The following TVP23C variants were observed in gnomAD, a reference collection of about 807,000 sequenced individuals.
TVP23C encodes trans-golgi network vesicle protein 23 homolog C, also known as Golgi apparatus membrane protein TVP23 homolog C.
TVP23C carries 19 observed loss-of-function variants against 28.7 expected under a neutral mutation model. The observed-to-expected ratio is 0.66, with a 90% CI of 0.46 to 0.97. The LOEUF (loss-of-function observed/expected upper bound fraction) is 0.97, where lower values mean the gene tolerates loss of function less well. Ranked by LOEUF, TVP23C falls within the 50% of genes least tolerant of loss-of-function variation. The pLI is 0.00. For synonymous variants in TVP23C, 68 were observed against 81.7 expected (o/e 0.83, Z 0.90); for missense variants, 186 against 241.3 (o/e 0.77, Z 1.52).
exon 6 of TVP23C, chr17:15,502,809 C>CCT (rs57432478): frequency 0.19 from 263,699 of 1,406,014 alleles, 5,606 homozygotes; most frequent in Non-Finnish European, 0.2. Flanking sequence ...TCCTCTCTCT[C>CCT]CTCTCTCTCT....
Position 15,537,730 on chromosome 17 carries a change from T to C in TVP23C, c.*2682A>G. ...GAAAACAATCTACAGAAATAATATG[T>C]AAACATATAGAGCTTTGAGACAGAC... On this transcript the variant is annotated 3_prime_UTR_variant, in exon 6 of 6. Transcript: ENST00000518321. 1.0e-6 allele frequency: 1 copy of C among 998,342 alleles called. No homozygotes were observed. Among genetic ancestry groups the C allele is most frequent in the Non-Finnish European group, 1.2e-6 (1 of 838,470 alleles). 61.8% of individuals were successfully genotyped at this position (998,342 alleles called of 1,614,324 possible). A position where few individuals can be genotyped will look rare whatever the true frequency, so the allele number is the denominator to read the frequency against.
intron 5 of TVP23C, among the ~76,000 whole-genome samples, chr17:15,526,345 C>A (rs1221246247): frequency 6.6e-6 from 1 of 152,144 alleles, no homozygotes; most frequent in African/African-American, 2.4e-5. Context: ...CCTGGCTTCA[C>A]CTCTCTCTAG....
chr17:15,557,166 C>T (rs1238990026), intron 1 of TVP23C, among the ~76,000 whole-genome samples: 1 of 149,584 alleles, frequency 6.7e-6, no homozygotes, highest in African/African-American at 2.4e-5. Flanking sequence ...TCTCTGAAAT[C>T]CCCATGTTCC....
At chr17:15,526,960 T>C (rs1982755386) in intron 5 of TVP23C, among the ~76,000 whole-genome samples, 1 of 152,164 alleles carries the variant, frequency 6.6e-6, no homozygotes, top group African/African-American at 2.4e-5. Context: ...AGGTCATTGG[T>C]TTGAAGTAAG....
intron 1 of TVP23C, chr17:15,562,227 T>C (rs1190812309): frequency 1.3e-5 from 2 of 152,332 alleles, no homozygotes; most frequent in East Asian, 1.9e-4. Flanking sequence ...AAGACTTTTT[T>C]TGTTTTGTTT....
intron 1 of TVP23C, among the ~76,000 whole-genome samples, chr17:15,555,874 T>C (rs1455397773): frequency 1.3e-5 from 2 of 152,182 alleles, no homozygotes; most frequent in Non-Finnish European, 2.9e-5. Context: ...CATTTTCCCC[T>C]GTATTTACAC....
chr17:15,507,046 A>G lies in TVP23C; in HGVS notation c.463-3814T>C, dbSNP rs1981781687. ...CTTTCACAGAATTATTCCAGAGTTT[A>G]TGTGTCAGGGCGGTGACTTCACATG... On this transcript the variant is annotated intron_variant, in intron 5 of 5. Transcript: ENST00000225576. The G allele has an allele frequency of 1.6e-5, 21 of 1,294,034 alleles. No individual in the cohort carries two copies. In the South Asian group the frequency reaches 2.2e-4, roughly 14 times the overall value. 80.2% of individuals were successfully genotyped at this position (1,294,034 alleles called of 1,614,324 possible). A position where few individuals can be genotyped will look rare whatever the true frequency, so the allele number is the denominator to read the frequency against.
intron 5 of TVP23C, among the ~76,000 whole-genome samples, chr17:15,515,441 C>G (rs77221796): frequency 6.6e-6 from 1 of 152,198 alleles, no homozygotes; most frequent in South Asian, 2.1e-4. Context: ...GGGGAATTAA[C>G]CCCTCAGAGG....
At chr17:15,518,167 CAAAAAAAAA>C (rs895582466) in intron 5 of TVP23C, among the ~76,000 whole-genome samples, 3 of 54,300 alleles carry the variant, frequency 5.5e-5, no homozygotes, top group African/African-American at 1.7e-4. Context: ...GACTCCATCT[CAAAAAAAAA>C]AAAAAAAAAA....
intron 5 of TVP23C, among the ~76,000 whole-genome samples, chr17:15,520,348 A>G (rs1982420939): frequency 6.7e-6 from 1 of 148,300 alleles, no homozygotes; most frequent in Admixed American, 6.7e-5. Flanking sequence ...TCCAGATGAC[A>G]TGGTTTCAGA....
intron 5 of TVP23C, chr17:15,507,405 G>A (rs1981803834): frequency 1.7e-6 from 1 of 599,344 alleles, no homozygotes; most frequent in South Asian, 1.7e-5. Context: ...CTGTAGCTCA[G>A]AGAGAGCACC....
intron 5 of TVP23C, among the ~76,000 whole-genome samples, chr17:15,523,342 C>T (rs1418486506): frequency 6.7e-6 from 1 of 149,060 alleles, no homozygotes; most frequent in African/African-American, 2.5e-5. Context: ...GACAGAGTCT[C>T]GCTCTGTTGC....
At chr17:15,521,604 A>T (rs1302438837) in intron 5 of TVP23C, among the ~76,000 whole-genome samples, 4 of 152,266 alleles carry the variant, frequency 2.6e-5, no homozygotes, top group Non-Finnish European at 4.4e-5. Flanking sequence ...AGAGGCATGA[A>T]AGAGAACCAC....
chr17:15,523,566 C>T (rs1001493023), intron 5 of TVP23C, among the ~76,000 whole-genome samples: 1 of 151,950 alleles, frequency 6.6e-6, no homozygotes, highest in Admixed American at 6.6e-5. Flanking sequence ...CCTTTGGCCT[C>T]CCAAAGTGCT....
downstream of TVP23C, among the ~76,000 whole-genome samples, chr17:15,536,139 G>A (rs1248870680): frequency 4.6e-5 from 7 of 151,982 alleles, no homozygotes; most frequent in South Asian, 2.1e-4. Context: ...GCAATGATCC[G>A]AGATCACACC....
chr17:15,510,891 T>C (rs1165295190), intron 5 of TVP23C, among the ~76,000 whole-genome samples: 1 of 151,716 alleles, frequency 6.6e-6, no homozygotes, highest in East Asian at 1.9e-4. Context: ...CCATCTCTAC[T>C]AAAAATACAA....
intron 3 of TVP23C, 75 bp downstream of exon 3, chr17:15,553,610 T>C: frequency 1.2e-5 from 19 of 1,524,852 alleles, no homozygotes; most frequent in Non-Finnish European, 1.6e-5. Context: ...TTAACAATAA[T>C]GCAAAATGCT....
At chr17:15,555,658 TC>T in intron 1 of TVP23C, among the ~76,000 whole-genome samples, 1 of 152,210 alleles carries the variant, frequency 6.6e-6, no homozygotes, top group East Asian at 1.9e-4. Context: ...ACACCTGTCC[TC>T]CTCACCTGTT....
At chr17:15,542,207 C>A (rs1983440463) in intron 5 of TVP23C, among the ~76,000 whole-genome samples, 2 of 152,040 alleles carry the variant, frequency 1.3e-5, no homozygotes, top group African/African-American at 4.8e-5. Flanking sequence ...AGCAAAAGAC[C>A]CGAGAAAAAA....
Sources: gnomAD v4.1 joint callset for allele counts (sites outside exome capture counted in the v4.1 genomes callset) on GRCh38, gnomAD v4.1.1 for gene constraint, MANE v1.5 for transcripts, NCBI Gene and HGNC (gene_info 2026-07-23, HGNC 2026-07-21) for gene names.